CHAF1A: variants seen among roughly 807,000 people sequenced by gnomAD.
CHAF1A encodes CAF-1 subunit A.
In CHAF1A, 5 loss-of-function variants were observed where a neutral mutation model predicts 93.2. That is an observed-to-expected ratio of 0.05 (90% CI 0.03 to 0.11). CHAF1A has a LOEUF of 0.11. Among genes scored for constraint, CHAF1A ranks in the 10% least tolerant of loss-of-function variants. The pLI, the probability that CHAF1A is intolerant of heterozygous loss-of-function variation, is 1.00. For missense variants in CHAF1A, 1,102 were observed against 1,259.9 expected (o/e 0.87, Z 1.90); for synonymous variants, 504 against 510.3 (o/e 0.99, Z 0.17).
Position 4,430,530 on chromosome 19 carries a change from T to G in CHAF1A, c.1855-19T>G, listed in dbSNP as rs1049193076. ...CTGCTTTTCTATCTGATGAACTCTT[T>G]TTTTTTTCTCCTTTTGAGGATGATG... On this transcript the variant is annotated intron_variant, in intron 10 of 14. Coordinates refer to ENST00000301280, the MANE Select transcript of CHAF1A (RefSeq NM_005483.3). 6.5e-7 allele frequency: 1 copy of G among 1,534,748 alleles called. No individual in the cohort carries two copies. Among genetic ancestry groups the G allele is most frequent in the Non-Finnish European group, 9.0e-7 (1 of 1,108,030 alleles).
chr19:4,410,827 G>A (rs1973783462), intron 3 of CHAF1A, among the ~76,000 whole-genome samples: 3 of 152,142 alleles, frequency 2.0e-5, no homozygotes, highest in African/African-American at 7.2e-5. Flanking sequence ...CTCCAGCCTG[G>A]GTGACAGAGC....
chr19:4,419,216 A>G (rs1973949069), intron 4 of CHAF1A, among the ~76,000 whole-genome samples: 1 of 151,770 alleles, frequency 6.6e-6, no homozygotes, highest in Admixed American at 6.6e-5. Context: ...AAGGTTAGAG[A>G]AATTGAACAT....
Position 4,418,053 on chromosome 19 carries a change from A to G in CHAF1A, c.994A>G (p.Lys332Glu). ...GAAATTCGTCAAAGGCTCTACAGAGAAGAACAAGCTCAGACTGCAAAGAGT... is the reference window on the plus strand; with the variant it reads ...GAAATTCGTCAAAGGCTCTACAGAGGAGAACAAGCTCAGACTGCAAAGAGT... Reference protein sequence around the residue: ...TKKFVKGSTEKNKLRLQRDQE... With the variant: ...TKKFVKGSTEENKLRLQRDQE... Residue 332 changes from lysine (K) to glutamate (E), a missense_variant, in exon 4 of 15, where the codon AAG (lysine) becomes GAG (glutamate). Physicochemically the swap from Lys to Glu is moderately conservative, Grantham distance 56. Coordinates refer to ENST00000301280, the MANE Select transcript of CHAF1A (RefSeq NM_005483.3). 6.2e-7 allele frequency: 1 copy of G among 1,607,212 alleles called. No individual in the cohort carries two copies. Among genetic ancestry groups the G allele is most frequent in the South Asian group, 1.1e-5 (1 of 89,206 alleles).
At chr19:4,431,479 C>T (rs1373127542) in intron 11 of CHAF1A, among the ~76,000 whole-genome samples, 1 of 151,968 alleles carries the variant, frequency 6.6e-6, no homozygotes. Context: ...TTTTGAAGGC[C>T]TGTCGTTTGG....
rs758291420 is a variant in CHAF1A, at chr19:4,409,340, T to G, written c.541T>G (p.Cys181Gly). Residue 181 changes from cysteine (C) to glycine (G), a missense_variant, in exon 3 of 15, where the codon TGC (cysteine) becomes GGC (glycine). This residue lies in a region of CHAF1A where 379 missense variants were observed against 365.7 expected (regional missense o/e 1.04). Transcript: ENST00000301280. The part of the protein sequence containing the change: ...FPGETLSDIP[C>G]KTEEEGVGCG... Reference sequence around the variant, plus strand: ...TGGAGAGACCCTTTCAGACATTCCTTGCAAAACAGAGGAGGAGGGTGTTGG... The same window carrying G: ...TGGAGAGACCCTTTCAGACATTCCTGGCAAAACAGAGGAGGAGGGTGTTGG... The G allele has an allele frequency of 3.1e-6, 5 of 1,613,920 alleles. No individual in the cohort carries two copies. In the East Asian group the frequency reaches 1.1e-4, roughly 36 times the overall value.
the CHAF1A span, chr19:4,450,803 C>G: frequency 7.8e-6 from 1 of 127,668 alleles, no homozygotes; most frequent in South Asian, 2.8e-4. Context: ...CTACAAATCA[C>G]TAATAAAAAG....
intron 4 of CHAF1A, among the ~76,000 whole-genome samples, chr19:4,418,478 C>T (rs926519051): frequency 2.1e-5 from 3 of 143,914 alleles, no homozygotes; most frequent in African/African-American, 5.2e-5. Flanking sequence ...TGCAGTGGTG[C>T]GATCTCGGCT....
chr19:4,443,705 G>A (rs1048096630), downstream of CHAF1A, among the ~76,000 whole-genome samples: 3 of 152,174 alleles, frequency 2.0e-5, no homozygotes, highest in African/African-American at 4.8e-5. Flanking sequence ...GTTTGGCTTC[G>A]AGTCTGAGGC....
At chr19:4,446,018 G>A (rs985354570), downstream of CHAF1A, 10 of 1,590,190 alleles carry the variant, frequency 6.3e-6, no homozygotes, top group Non-Finnish European at 8.6e-6. Context: ...GAGGCATCGG[G>A]TCAGCGGTGC....
intron 3 of CHAF1A, among the ~76,000 whole-genome samples, chr19:4,410,902 T>A (rs1163876082): frequency 1.3e-5 from 2 of 152,190 alleles, no homozygotes; most frequent in African/African-American, 4.8e-5. Flanking sequence ...TCTGTCTCTG[T>A]TATTGATTTT....
rs114598793 is a variant in CHAF1A at position 4,442,635 on chromosome 19, C to T, written c.2771-290C>T. Reference sequence around the variant, plus strand: ...CTGCACTGAGGCAGCAAGGGAGGGCCAGGTGGATTTCTGGAGCACTCGCCA... The same window carrying T: ...CTGCACTGAGGCAGCAAGGGAGGGCTAGGTGGATTTCTGGAGCACTCGCCA... On this transcript the variant is annotated intron_variant, in intron 14 of 14. Coordinates refer to ENST00000301280, the MANE Select transcript of CHAF1A (RefSeq NM_005483.3). 4.3e-3 allele frequency among the ~76,000 whole-genome samples: 653 copies of T among 152,332 alleles called. 6 individuals carry two copies. Among genetic ancestry groups the T allele is most frequent in the African/African-American group, 0.015 (625 of 41,578 alleles).
chr19:4,417,497 G>A (rs958930958), intron 3 of CHAF1A, among the ~76,000 whole-genome samples: 1 of 123,276 alleles, frequency 8.1e-6, no homozygotes, highest in African/African-American at 3.0e-5. Flanking sequence ...GTCTCACCCT[G>A]TTGCCCAGGC....
chr19:4,427,745 G>A (rs1974110886), intron 7 of CHAF1A, among the ~76,000 whole-genome samples: 1 of 152,194 alleles, frequency 6.6e-6, no homozygotes, highest in African/African-American at 2.4e-5. Flanking sequence ...ATGCCACCGT[G>A]CCCGGCTAAT....
chr19:4,447,052 G>T, downstream of CHAF1A: 1 of 851,800 alleles, frequency 1.2e-6, no homozygotes. Context: ...CCAGCCCTGG[G>T]GGTGCCTCAG....
intron 1 of CHAF1A, among the ~76,000 whole-genome samples, chr19:4,404,840 A>G (rs1360721684): frequency 6.6e-6 from 1 of 152,078 alleles, no homozygotes; most frequent in Non-Finnish European, 1.5e-5. Flanking sequence ...CTTTGATATT[A>G]TTAGATGGTT....
chr19:4,435,654 G>C (rs1034923807), intron 13 of CHAF1A, among the ~76,000 whole-genome samples: 5 of 152,102 alleles, frequency 3.3e-5, no homozygotes, highest in African/African-American at 4.8e-5. Flanking sequence ...ATAGGTATGA[G>C]CCACCGTGCC....
intron 2 of CHAF1A, among the ~76,000 whole-genome samples, chr19:4,408,638 C>G (rs1386012477): frequency 6.6e-6 from 1 of 150,548 alleles, no homozygotes; most frequent in African/African-American, 2.5e-5. Context: ...CATGGCCTGG[C>G]TAATTTTTGT....
chr19:4,448,880 T>A (rs554732719), downstream of CHAF1A: 17 of 169,536 alleles, frequency 1.0e-4, no homozygotes, highest in Admixed American at 2.8e-4. Flanking sequence ...GAGAGGCCCA[T>A]CGTCCAGGGT....
At chr19:4,430,501 C>G (rs377292610) in intron 10 of CHAF1A, 48 bp from the exon 11 acceptor site, 3 of 1,314,406 alleles carry the variant, frequency 2.3e-6, no homozygotes, top group Non-Finnish European at 3.3e-6. Context: ...ATAAGGCACA[C>G]ACTCTGCTTT....
Sources: gnomAD v4.1 joint callset for allele counts (sites outside exome capture counted in the v4.1 genomes callset) on GRCh38, gnomAD v4.1.1 for gene constraint, gnomAD v4.1.1 regional missense constraint, MANE v1.5 for transcripts, NCBI Gene and HGNC (gene_info 2026-07-23, HGNC 2026-07-21) for gene names.